Variants in TBC1D23 observed in about 807,000 individuals in gnomAD.
TBC1D23 encodes the protein HCV non-structural protein 4A-transactivated protein 1.
TBC1D23 carries 55 observed loss-of-function variants against 91.4 expected under a neutral mutation model. The ratio of observed to expected loss-of-function variants is 0.60; its 90% CI spans 0.48 to 0.75. TBC1D23 has a LOEUF of 0.75. TBC1D23 is among the 30% of genes least tolerant of loss of function. TBC1D23 has a pLI of 0.00. For synonymous variants in TBC1D23, 289 were observed against 281.0 expected, an observed-to-expected ratio of 1.03 and a Z score of -0.28; for missense variants, 725 against 836.1, an observed-to-expected ratio of 0.87 and a Z score of 1.64.
intron 13 of TBC1D23, among the ~76,000 whole-genome samples, chr3:100,307,268 C>T (rs1446521820): frequency 2.0e-5 from 3 of 152,132 alleles, no homozygotes; most frequent in Non-Finnish European, 4.4e-5. Flanking sequence ...TCCTCACATA[C>T]CTAGTGATTA....
chr3:100,262,867 T>C (rs7637157), intron 1 of TBC1D23, among the ~76,000 whole-genome samples: 1 of 151,878 alleles, frequency 6.6e-6, no homozygotes, highest in South Asian at 2.1e-4. Flanking sequence ...CAAAATCCAA[T>C]GTGCATTTTA....
At chr3:100,299,368 C>CT (rs752805876) in intron 10 of TBC1D23, 37 bp downstream of exon 10, 3 of 1,350,392 alleles carry the variant, frequency 2.2e-6, no homozygotes, top group East Asian at 2.4e-5. Context: ...CTTAAAGTAA[C>CT]TTTTTTTCCT....
At chr3:100,290,780 G>A (rs1375561909) in intron 5 of TBC1D23, 79 bp downstream of exon 5, 12 of 1,215,830 alleles carry the variant, frequency 9.9e-6, no homozygotes, top group East Asian at 2.6e-5. Context: ...TTTTTTTCAA[G>A]GAAGAGAAAG....
chr3:100,298,805 C>T (rs1705356027), intron 9 of TBC1D23, among the ~76,000 whole-genome samples: 1 of 152,172 alleles, frequency 6.6e-6, no homozygotes, highest in Non-Finnish European at 1.5e-5. Context: ...TCAGAACATT[C>T]TCCCTTCATC....
intron 1 of TBC1D23, among the ~76,000 whole-genome samples, chr3:100,263,398 TA>T (rs1422123440): frequency 6.6e-6 from 1 of 152,232 alleles, no homozygotes; most frequent in Non-Finnish European, 1.5e-5. Context: ...CATCTGGGCG[TA>T]TACGTGCAAG....
At chr3:100,270,706 A>C (rs941868202) in intron 1 of TBC1D23, among the ~76,000 whole-genome samples, 1 of 152,172 alleles carries the variant, frequency 6.6e-6, no homozygotes, top group Non-Finnish European at 1.5e-5. Context: ...GAATAATATC[A>C]TATGCAATAG....
intron 5 of TBC1D23, among the ~76,000 whole-genome samples, chr3:100,294,557 G>A (rs541421516): frequency 1.3e-5 from 2 of 152,128 alleles, no homozygotes; most frequent in South Asian, 2.1e-4. Flanking sequence ...CACTGCGCCC[G>A]GCCTAATCTC....
In TBC1D23 at chr3:100,261,013, A is replaced by C. The variant is rs1237894382; in HGVS notation, c.-6A>C. ...TTTCGGCAAAGTGACGTGGACGTCAACAGCAATGGCGGAAGGAGAAGATGT... is the reference window on the plus strand; with the variant it reads ...TTTCGGCAAAGTGACGTGGACGTCACCAGCAATGGCGGAAGGAGAAGATGT... On this transcript the variant is annotated 5_prime_UTR_variant, in exon 1 of 19. Coordinates refer to ENST00000394144, the MANE Select transcript of TBC1D23 (RefSeq NM_001199198.3). The C allele has an allele frequency of 3.9e-5, 63 of 1,613,722 alleles. No individual in the cohort carries two copies. The highest frequency in any genetic ancestry group is 5.3e-5 in the Non-Finnish European group (62 of 1,179,740).
rs2067639479 is a variant in TBC1D23, at chr3:100,275,274, A to T, written c.54-4375A>T. On this transcript the variant is annotated intron_variant, in intron 1 of 18. Coordinates refer to ENST00000394144, the MANE Select transcript of TBC1D23 (RefSeq NM_001199198.3). Reference sequence around the variant, plus strand: ...TTTTTTTTTGTTTGTTTGCTTTTTGAGACAAGGTCTTGTTCTGTAGCCTGT... The same window carrying T: ...TTTTTTTTTGTTTGTTTGCTTTTTGTGACAAGGTCTTGTTCTGTAGCCTGT... Among the ~76,000 whole-genome samples the T allele has an allele frequency of 2.7e-5, 4 of 150,900 alleles. No individual in the cohort carries two copies. In the South Asian group the frequency reaches 8.4e-4, roughly 32 times the overall value.
At chr3:100,278,659 C>T (rs560813686) in intron 1 of TBC1D23, among the ~76,000 whole-genome samples, 1 of 152,336 alleles carries the variant, frequency 6.6e-6, no homozygotes, top group African/African-American at 2.4e-5. Context: ...GCTGGGATTA[C>T]AGGCGTGAGC....
chr3:100,261,352 G>A (rs2067508955), intron 1 of TBC1D23: 1 of 492,436 alleles, frequency 2.0e-6, no homozygotes, highest in Non-Finnish European at 3.6e-6. Flanking sequence ...GTGTGCTGGA[G>A]TGGGTGGCTT....
At chr3:100,261,885 G>A (rs2067513867) in intron 1 of TBC1D23, among the ~76,000 whole-genome samples, 1 of 152,182 alleles carries the variant, frequency 6.6e-6, no homozygotes, top group South Asian at 2.1e-4. Context: ...GACCTTTAGA[G>A]GCTTGTCTAA....
intron 9 of TBC1D23, among the ~76,000 whole-genome samples, chr3:100,298,485 A>G (rs181150973): frequency 3.3e-5 from 5 of 152,204 alleles, no homozygotes; most frequent in Admixed American, 2.0e-4. Flanking sequence ...TAATAAGTCA[A>G]TTTGACCAAT....
Position 100,279,673 on chromosome 3 carries a change from G to A in TBC1D23, c.78G>A (p.Leu26=), listed in dbSNP as rs1375165394. The change falls in exon 2 of 19, where the codon CTG becomes CTA. Residue 26 remains leucine, a synonymous_variant. Coordinates refer to ENST00000394144, the MANE Select transcript of TBC1D23 (RefSeq NM_001199198.3). ...GGGAAAAAGATCTTGAAGAAGCTCT[G>A]GAAGCAGGAGGTTGTGATCTTGAAA... ...DGWEKDLEEA[L]EAGGCDLETL... 1.1e-5 allele frequency: 17 copies of A among 1,604,920 alleles called. No homozygotes were observed. Among genetic ancestry groups the A allele is most frequent in the Admixed American group, 1.7e-5 (1 of 59,832 alleles).
intron 1 of TBC1D23, among the ~76,000 whole-genome samples, chr3:100,275,499 G>C (rs1023328912): frequency 1.4e-4 from 21 of 152,190 alleles, no homozygotes; most frequent in Admixed American, 6.5e-4. Context: ...TGTTGCCCAG[G>C]CTGGTCTCAA....
intron 1 of TBC1D23, among the ~76,000 whole-genome samples, chr3:100,267,783 ATACTG>A (rs1251381728): frequency 3.3e-5 from 5 of 152,186 alleles, no homozygotes; most frequent in African/African-American, 1.2e-4. Context: ...ATATAAGAAA[ATACTG>A]TACATTTGCA....
chr3:100,292,178 C>T lies in TBC1D23; in HGVS notation c.600+1477C>T, dbSNP rs983627729. Among the ~76,000 whole-genome samples, 7 of 152,132 alleles carry T rather than the reference C, an allele frequency of 4.6e-5. No homozygotes were observed. In the East Asian group the frequency reaches 1.3e-3, roughly 29 times the overall value. On this transcript the variant is annotated intron_variant, in intron 5 of 18. Coordinates refer to ENST00000394144, the MANE Select transcript of TBC1D23 (RefSeq NM_001199198.3). ...AGGTAAATTCTACATATTTGTGTAA[C>T]AATAGTTTTGACCTTACAGATCCTT...
chr3:100,296,404 G>T, intron 8 of TBC1D23, 129 bp downstream of exon 8: 3 of 544,962 alleles, frequency 5.5e-6, no homozygotes, highest in South Asian at 3.1e-5. Context: ...AGTTTTGTGT[G>T]ATTTTTTTTT....
chr3:100,304,489 T>G (rs977422150), intron 11 of TBC1D23, among the ~76,000 whole-genome samples: 3 of 152,170 alleles, frequency 2.0e-5, no homozygotes, highest in Non-Finnish European at 2.9e-5. Flanking sequence ...TATCTTTTAA[T>G]AAAGGACCCA....
Sources: allele counts gnomAD v4.1 joint callset (sites outside exome capture counted in the v4.1 genomes callset), GRCh38; gene constraint gnomAD v4.1.1; transcripts MANE v1.5; gene names NCBI Gene and HGNC (gene_info 2026-07-23, HGNC 2026-07-21).